The following KHDRBS1 variants were observed in gnomAD, a reference collection of about 807,000 sequenced individuals.
KHDRBS1 encodes KH domain-containing, RNA-binding, signal transduction-associated protein 1.
In KHDRBS1, 7 loss-of-function variants were observed where a neutral mutation model predicts 48.4. The observed-to-expected ratio is 0.14, with a 90% confidence interval of 0.08 to 0.27. The LOEUF (loss-of-function observed/expected upper bound fraction) is 0.27. Ranked by LOEUF, KHDRBS1 falls within the 10% of genes least tolerant of loss-of-function variation. The pLI, the probability that KHDRBS1 is intolerant of heterozygous loss-of-function variation, is 1.00. For missense variants in KHDRBS1, 458 were observed against 601.2 expected (o/e 0.76, Z 2.49); for synonymous variants, 241 against 235.8 (o/e 1.02, Z -0.20).
chr1:32,040,680 G>C (rs934538713), intron 8 of KHDRBS1, among the ~76,000 whole-genome samples: 26 of 152,206 alleles, frequency 1.7e-4, no homozygotes, highest in African/African-American at 5.5e-4. Context: ...TGTGGCAGTG[G>C]ATGCAGCGAG....
chr1:32,031,742 A>G, intron 3 of KHDRBS1, 102 bp downstream of exon 3: 1 of 665,332 alleles, frequency 1.5e-6, no homozygotes, highest in Non-Finnish European at 2.6e-6. Flanking sequence ...TTGTATGTGT[A>G]CAGAATGTGG....
chr1:32,046,797 C>T (rs542910671), downstream of KHDRBS1, among the ~76,000 whole-genome samples: 1 of 152,246 alleles, frequency 6.6e-6, no homozygotes, highest in African/African-American at 2.4e-5. Context: ...CTTTTTCTTC[C>T]AAGCCTGCCT....
chr1:32,033,281 G>A lies in KHDRBS1; in HGVS notation c.718G>A (p.Ala240Thr). 1.2e-6 allele frequency: 2 copies of A among 1,614,178 alleles called. No homozygotes were observed. Among genetic ancestry groups the A allele is most frequent in the Non-Finnish European group, 1.7e-6 (2 of 1,180,028 alleles). ...FIEVFGPPCE[A>T]YALMAHAMEE... The stretch of plus-strand genomic sequence containing the variant: ...TGAAGTCTTTGGACCCCCATGTGAG[G>A]CTTATGCTCTTATGGCCCATGCCAT... Residue 240 changes from alanine to threonine, a missense_variant, in exon 4 of 9, where the codon GCT becomes ACT. Transcript: ENST00000327300.
chr1:32,032,199 A>G (rs1425316535), intron 3 of KHDRBS1, among the ~76,000 whole-genome samples: 1 of 152,138 alleles, frequency 6.6e-6, no homozygotes, highest in African/African-American at 2.4e-5. Flanking sequence ...TACGCTGTGT[A>G]CTCTGTGACA....
intron 1 of KHDRBS1, among the ~76,000 whole-genome samples, chr1:32,022,954 G>T (rs1217998593): frequency 6.6e-6 from 1 of 151,666 alleles, no homozygotes; most frequent in Non-Finnish European, 1.5e-5. Context: ...CAGACCAGTT[G>T]ATAAAGTTGG....
At chr1:32,056,476 C>A (rs918845323) in intron 10 of KHDRBS1, among the ~76,000 whole-genome samples, 3 of 152,176 alleles carry the variant, frequency 2.0e-5, no homozygotes, top group Admixed American at 2.0e-4. Context: ...TTGGCTGTTC[C>A]CCTGTCAACC....
At chr1:32,014,743 T>G in intron 1 of KHDRBS1, among the ~76,000 whole-genome samples, 1 of 152,188 alleles carries the variant, frequency 6.6e-6, no homozygotes, top group East Asian at 1.9e-4. Flanking sequence ...AGGGAAACCC[T>G]TTTTGATCGC....
Position 32,014,081 on chromosome 1 carries a change from C to T in KHDRBS1, c.86C>T (p.Ser29Leu). The change falls in exon 1 of 9, where the codon TCG (serine) becomes TTG (leucine). Residue 29 changes from serine (S) to leucine (L), a missense_variant. Physicochemically the swap from Ser to Leu is moderately radical, Grantham distance 145 (BLOSUM62 -2). This residue lies in a region of KHDRBS1 where 213 missense variants were observed against 215.6 expected (regional missense o/e 0.99). Coordinates refer to ENST00000327300, the MANE Select transcript of KHDRBS1 (RefSeq NM_006559.3). ...GSMDPSGAHPSVRQTPSRQPP... is the reference protein window; with the variant it reads ...GSMDPSGAHPLVRQTPSRQPP... ...ATGGACCCCTCCGGTGCCCACCCCT[C>T]GGTGCGTCAGACGCCGTCTCGGCAG... is the stretch of plus-strand genomic sequence containing the variant. The T allele has an allele frequency of 2.0e-6, 3 of 1,475,412 alleles. No individual in the cohort carries two copies. Among genetic ancestry groups the T allele is most frequent in the Admixed American group, 2.4e-5 (1 of 42,114 alleles). 91.4% of individuals were successfully genotyped at this position (1,475,412 alleles called of 1,614,324 possible). A position where few individuals can be genotyped will look rare whatever the true frequency, so the allele number is the denominator to read the frequency against.
chr1:32,038,278 GA>G (rs1428105410), intron 6 of KHDRBS1, among the ~76,000 whole-genome samples: 1 of 152,138 alleles, frequency 6.6e-6, no homozygotes, highest in Non-Finnish European at 1.5e-5. Flanking sequence ...ATTTTATAAT[GA>G]ATTTCTTACT....
intron 3 of KHDRBS1, among the ~76,000 whole-genome samples, 171 bp from the exon 4 acceptor site, chr1:32,033,017 T>C (rs1399317511): frequency 6.6e-6 from 1 of 151,210 alleles, no homozygotes; most frequent in East Asian, 2.0e-4. Flanking sequence ...ACTTTACTGT[T>C]TTTCTTTTTT....
downstream of KHDRBS1, among the ~76,000 whole-genome samples, chr1:32,044,167 A>G (rs1303626361): frequency 1.3e-5 from 2 of 152,230 alleles, no homozygotes; most frequent in Admixed American, 1.3e-4. Context: ...AACTGAGCTG[A>G]AACTTGGATT....
chr1:32,022,304 A>G (rs1021714414), intron 1 of KHDRBS1, among the ~76,000 whole-genome samples: 2 of 152,000 alleles, frequency 1.3e-5, no homozygotes, highest in Admixed American at 6.6e-5. Flanking sequence ...CAGCCGGTAC[A>G]TTTCTTTTAA....
At chr1:32,034,257 G>C (rs1317072521) in intron 4 of KHDRBS1, among the ~76,000 whole-genome samples, 4 of 152,126 alleles carry the variant, frequency 2.6e-5, no homozygotes, top group Admixed American at 6.6e-5. Context: ...AAAATTGATA[G>C]GGCAAAAATT....
At chr1:32,048,634 T>C (rs949305169), downstream of KHDRBS1, among the ~76,000 whole-genome samples, 16 of 152,350 alleles carry the variant, frequency 1.1e-4, no homozygotes, top group African/African-American at 3.8e-4. Flanking sequence ...TGATTCTTTT[T>C]GGACAGACAT....
intron 8 of KHDRBS1, among the ~76,000 whole-genome samples, chr1:32,040,508 T>C (rs1639263200): frequency 6.6e-6 from 1 of 152,184 alleles, no homozygotes; most frequent in African/African-American, 2.4e-5. Flanking sequence ...CTTGTTGGCT[T>C]GAAGACATCA....
chr1:32,014,714 C>T (rs891713208), intron 1 of KHDRBS1, among the ~76,000 whole-genome samples: 5 of 152,230 alleles, frequency 3.3e-5, no homozygotes, highest in Admixed American at 3.3e-4. Context: ...AATGAACCTT[C>T]ATTTCCCCCT....
At chr1:32,050,866 T>G (rs1639410810) in intron 10 of KHDRBS1, among the ~76,000 whole-genome samples, 1 of 151,548 alleles carries the variant, frequency 6.6e-6, no homozygotes, top group Non-Finnish European at 1.5e-5. Flanking sequence ...TTAACTTTTG[T>G]GTGTGTGGCC....
In KHDRBS1 at chr1:32,056,526, G is replaced by C. The variant is rs541065829; in HGVS notation, n.1302-3637G>C. The stretch of plus-strand genomic sequence containing the variant: ...CAGGGTATCCAGTCTCTTTCTTCTA[G>C]GCACTGTGATGTGTGTGAAAACTTG... On this transcript the variant is annotated intron_variant and non_coding_transcript_variant, in intron 10 of 10. Coordinates refer to the KHDRBS1 transcript ENST00000484270. 2.0e-5 allele frequency among the ~76,000 whole-genome samples: 3 copies of C among 152,280 alleles called. No individual in the cohort carries two copies. In the South Asian group the frequency reaches 6.2e-4, roughly 32 times the overall value.
downstream of KHDRBS1, among the ~76,000 whole-genome samples, chr1:32,045,953 C>T (rs571836915): frequency 1.3e-5 from 2 of 152,266 alleles, no homozygotes; most frequent in Non-Finnish European, 1.5e-5. Flanking sequence ...AAACCAGTTC[C>T]TCAAAAGGCA....
Sources: allele counts gnomAD v4.1 joint callset (sites outside exome capture counted in the v4.1 genomes callset), GRCh38; gene constraint gnomAD v4.1.1; regional missense constraint gnomAD v4.1.1; transcripts MANE v1.5; gene names NCBI Gene and HGNC (gene_info 2026-07-23, HGNC 2026-07-21).